ERBIN: variants seen among roughly 807,000 people sequenced by gnomAD.
ERBIN encodes the protein densin-180-like protein.
ERBIN carries 60 observed loss-of-function variants against 158.4 expected under a neutral mutation model. The ratio of observed to expected loss-of-function variants is 0.38; its 90% CI spans 0.31 to 0.47. The LOEUF (loss-of-function observed/expected upper bound fraction) is 0.47, where lower values mean the gene tolerates loss of function less well. ERBIN is among the 20% of genes least tolerant of loss of function. The pLI, the probability that ERBIN is intolerant of heterozygous loss-of-function variation, is 0.99. For synonymous variants in ERBIN, 594 were observed against 557.2 expected (o/e 1.07, Z -0.93); for missense variants, 1,610 against 1,648.0 (o/e 0.98, Z 0.40).
At chr5:65,990,140 A>G (rs1751703602) in intron 2 of ERBIN, among the ~76,000 whole-genome samples, 1 of 152,170 alleles carries the variant, frequency 6.6e-6, no homozygotes, top group African/African-American at 2.4e-5. Context: ...TTCTTTTTTT[A>G]AATTCTGAAG....
Position 66,075,176 on chromosome 5 carries a change from A to G in ERBIN, c.3909A>G (p.Pro1303=), listed in dbSNP as rs920833018. The G allele has an allele frequency of 3.1e-6, 5 of 1,614,092 alleles. No individual in the cohort carries two copies. Among genetic ancestry groups the G allele is most frequent in the East Asian group, 2.2e-5 (1 of 44,894 alleles). ...YLMLKVAHQP[P]YTQPHCSPRQ... The stretch of plus-strand genomic sequence containing the variant: ...TGCTGAAAGTGGCCCACCAGCCTCC[A>G]TATACACAGCCCCATTGTTCTCCTA... The change falls in exon 23 of 26, where the codon CCA becomes CCG. Residue 1303 remains proline (P), a synonymous_variant. Coordinates refer to ENST00000284037, the MANE Select transcript of ERBIN (RefSeq NM_001253697.2).
chr5:66,081,083 C>T lies in ERBIN; in HGVS notation c.*2553C>T, dbSNP rs949904609. On this transcript the variant is annotated 3_prime_UTR_variant, in exon 26 of 26. Transcript: ENST00000284037. ...AGTAAATTGTAGTTAAGGCCTATAC[C>T]CATAACTAACTTTAGTAAGTATTAT... is the stretch of plus-strand genomic sequence containing the variant. The T allele has an allele frequency of 6.6e-6, 1 of 151,618 alleles. No individual in the cohort carries two copies. The highest frequency in any genetic ancestry group is 1.5e-5 in the Non-Finnish European group (1 of 67,774). 9.4% of individuals were successfully genotyped at this position (151,618 alleles called of 1,614,324 possible).
chr5:66,014,814 G>T (rs1754546809), intron 7 of ERBIN, 89 bp downstream of exon 7: 1 of 599,032 alleles, frequency 1.7e-6, no homozygotes, highest in South Asian at 2.6e-5. Context: ...TACCTAAAAT[G>T]TGGTGCAAAT....
intron 4 of ERBIN, among the ~76,000 whole-genome samples, chr5:66,003,588 C>G (rs1753225769): frequency 6.6e-6 from 1 of 152,152 alleles, no homozygotes; most frequent in African/African-American, 2.4e-5. Context: ...TTGGCTTGGA[C>G]AATATCATGT....
In ERBIN at chr5:66,073,974, G is replaced by A. The variant is rs576252492; in HGVS notation, c.3757-1050G>A. 2.6e-5 allele frequency among the ~76,000 whole-genome samples: 4 copies of A among 151,774 alleles called. No individual in the cohort carries two copies. In the East Asian group the frequency reaches 5.8e-4, roughly 22 times the overall value. ...GCTCACTGCAGCCTCAAACTACTGGGCTCAAATGATCCTCCTACTTGAGCC... is the reference window on the plus strand; with the variant it reads ...GCTCACTGCAGCCTCAAACTACTGGACTCAAATGATCCTCCTACTTGAGCC... On this transcript the variant is annotated intron_variant, in intron 22 of 25. Transcript: ENST00000284037.
chr5:66,016,278 T>C (rs1037935211), intron 7 of ERBIN, among the ~76,000 whole-genome samples: 18 of 152,202 alleles, frequency 1.2e-4, no homozygotes, highest in African/African-American at 4.1e-4. Flanking sequence ...TTCTAAGATA[T>C]TTGAATAACA....
intron 1 of ERBIN, among the ~76,000 whole-genome samples, chr5:65,980,736 C>A (rs1561326850): frequency 6.6e-6 from 1 of 151,766 alleles, no homozygotes; most frequent in Non-Finnish European, 1.5e-5. Flanking sequence ...AAAAAAACCT[C>A]GTAATGTGAG....
chr5:66,026,124 T>G (rs1756213957), intron 12 of ERBIN, 147 bp downstream of exon 12: 7 of 806,242 alleles, frequency 8.7e-6, no homozygotes, highest in Non-Finnish European at 1.3e-5. Context: ...TATGTTAATT[T>G]AGAAGAGGTT....
chr5:66,060,601 T>G (rs1471597140), intron 21 of ERBIN, among the ~76,000 whole-genome samples: 1 of 152,208 alleles, frequency 6.6e-6, no homozygotes, highest in African/African-American at 2.4e-5. Flanking sequence ...GTGTTTGCTC[T>G]TGCTTCTCTA....
intron 1 of ERBIN, among the ~76,000 whole-genome samples, chr5:65,977,076 C>T (rs1343611215): frequency 6.6e-6 from 1 of 152,120 alleles, no homozygotes; most frequent in African/African-American, 2.4e-5. Context: ...GGGCTCCTCA[C>T]TTCCCAGTAG....
intron 1 of ERBIN, among the ~76,000 whole-genome samples, chr5:65,974,647 C>T (rs778054181): frequency 2.0e-5 from 3 of 152,202 alleles, no homozygotes; most frequent in Non-Finnish European, 2.9e-5. Context: ...TACTCAGGTT[C>T]TTACCTCAGC....
Position 66,053,869 on chromosome 5 carries a change from A to G in ERBIN, c.2551A>G (p.Lys851Glu). Reference sequence around the variant, plus strand: ...TTGTTCTGTTGACTTAGGTATTTCCAAAAGCACTGAAGATCTCTCCCCTCA... The same window carrying G: ...TTGTTCTGTTGACTTAGGTATTTCCGAAAGCACTGAAGATCTCTCCCCTCA... ...SDCSVDLGIS[K>E]STEDLSPQKS... The change falls in exon 21 of 26, where the codon AAA (lysine) becomes GAA (glutamate). Residue 851 changes from lysine (K) to glutamate (E), a missense_variant. Lys to Glu is a moderately conservative substitution (Grantham distance 56, BLOSUM62 1). Transcript: ENST00000284037. 1 of 1,614,128 alleles carries G rather than the reference A, an allele frequency of 6.2e-7. No homozygotes were observed. The highest frequency in any genetic ancestry group is 8.5e-7 in the Non-Finnish European group (1 of 1,180,008).
At chr5:65,939,837 G>T (rs1187176553) in intron 1 of ERBIN, among the ~76,000 whole-genome samples, 6 of 152,052 alleles carry the variant, frequency 3.9e-5, no homozygotes, top group Non-Finnish European at 7.4e-5. Context: ...ACGGAGTCTG[G>T]TTCACTCAGT....
intron 19 of ERBIN, 107 bp downstream of exon 19, chr5:66,048,888 A>C (rs1341220965): frequency 9.4e-6 from 6 of 641,406 alleles, no homozygotes; most frequent in Non-Finnish European, 1.5e-5. Flanking sequence ...ACATTTTAGA[A>C]ACAAATTTTT....
chr5:65,952,642 A>G (rs941502494), intron 1 of ERBIN, among the ~76,000 whole-genome samples: 1 of 152,190 alleles, frequency 6.6e-6, no homozygotes, highest in African/African-American at 2.4e-5. Context: ...AGAAAAACAT[A>G]ATGAGCATAT....
Position 66,054,398 on chromosome 5 carries a change from A to G in ERBIN, c.3080A>G (p.Asn1027Ser), listed in dbSNP as rs748426846. Residue 1027 changes from asparagine to serine, a missense_variant, in exon 21 of 26, where the codon AAT becomes AGT. Asn to Ser is a conservative substitution (Grantham distance 46, BLOSUM62 1). Around this residue, in one of 2 missense-constraint regions of ERBIN, gnomAD observed 1,014 missense variants for 936.1 expected, o/e 1.08. Transcript: ENST00000284037. ...ENQSYAKHSA[N>S]MNFSNHNNVR... Reference sequence around the variant, plus strand: ...CAAAGTTATGCTAAACATTCTGCCAATATGAATTTCTCTAATCATAACAAT... The same window carrying G: ...CAAAGTTATGCTAAACATTCTGCCAGTATGAATTTCTCTAATCATAACAAT... 3.1e-6 allele frequency: 5 copies of G among 1,614,048 alleles called. No individual in the cohort carries two copies. Among genetic ancestry groups the G allele is most frequent in the Non-Finnish European group, 4.2e-6 (5 of 1,180,036 alleles).
At chr5:66,014,818 T>G in intron 7 of ERBIN, 93 bp downstream of exon 7, 1 of 583,924 alleles carries the variant, frequency 1.7e-6, no homozygotes, top group Non-Finnish European at 2.9e-6. Context: ...TAAAATGTGG[T>G]GCAAATTATT....
Position 65,932,138 on chromosome 5 carries a change from T to C in ERBIN, c.-58+5332T>C, listed in dbSNP as rs190649026. Among the ~76,000 whole-genome samples the C allele has an allele frequency of 4.7e-3, 707 of 151,820 alleles. 3 individuals carry two copies. The highest frequency in any genetic ancestry group is 7.8e-3 in the Non-Finnish European group (532 of 67,920). ...AAGTGCTGGTCACAAGGTCAGGAGA[T>C]CAAGACCATGGACAACACAGTGAAA... On this transcript the variant is annotated intron_variant, in intron 1 of 25. Transcript: ENST00000284037.
intron 21 of ERBIN, among the ~76,000 whole-genome samples, chr5:66,067,183 A>G (rs1165533048): frequency 6.6e-6 from 1 of 152,178 alleles, no homozygotes; most frequent in Non-Finnish European, 1.5e-5. Flanking sequence ...GGGAAAATGC[A>G]GGTCTGGGCT....
Sources: gnomAD v4.1 joint callset for allele counts (sites outside exome capture counted in the v4.1 genomes callset) on GRCh38, gnomAD v4.1.1 for gene constraint, gnomAD v4.1.1 regional missense constraint, MANE v1.5 for transcripts, NCBI Gene and HGNC (gene_info 2026-07-23, HGNC 2026-07-21) for gene names.